The following ZNF577 variants were observed in gnomAD, a reference collection of about 807,000 sequenced individuals.
ZNF577 encodes the protein zinc finger protein 577.
ZNF577 carries 14 observed loss-of-function variants against 13.9 expected under a neutral mutation model. The observed-to-expected ratio is 1.00, with a 90% CI of 0.66 to 1.57. The LOEUF (loss-of-function observed/expected upper bound fraction) is 1.57, where lower values mean the gene tolerates loss of function less well. ZNF577 is among the 40% of genes most tolerant of loss of function. ZNF577 has a pLI of 0.00. For missense variants in ZNF577, 555 were observed against 579.2 expected (o/e 0.96, Z 0.43); for synonymous variants, 203 against 202.9 (o/e 1.00, Z 0.00).
chr19:51,813,659 T>A (rs1266445622), intron 9 of ZNF577, among the ~76,000 whole-genome samples: 2 of 152,036 alleles, frequency 1.3e-5, no homozygotes, highest in African/African-American at 4.8e-5. Context: ...GCCTCCCGAA[T>A]ATCTGGGACT....
At chr19:51,816,978 T>C (rs1444572194) in intron 9 of ZNF577, among the ~76,000 whole-genome samples, 1 of 152,218 alleles carries the variant, frequency 6.6e-6, no homozygotes, top group Non-Finnish European at 1.5e-5. Flanking sequence ...TAATTTTTTG[T>C]TTCATTTCCC....
downstream of ZNF577, among the ~76,000 whole-genome samples, chr19:51,863,951 G>A (rs550095385): frequency 3.3e-4 from 51 of 152,270 alleles, 1 homozygote; most frequent in Middle Eastern, 3.4e-3. Context: ...CGTTTAGGCC[G>A]AAATCAGGGA....
intron 10 of ZNF577, among the ~76,000 whole-genome samples, chr19:51,808,245 T>C (rs964450555): frequency 6.6e-6 from 1 of 152,256 alleles, no homozygotes; most frequent in African/African-American, 2.4e-5. Flanking sequence ...CTGAAAATCA[T>C]TTAAAGTCTA....
chr19:51,853,809 T>C (rs568572195), intron 5 of ZNF577, among the ~76,000 whole-genome samples: 11 of 152,328 alleles, frequency 7.2e-5, no homozygotes, highest in Non-Finnish European at 1.0e-4. Flanking sequence ...CCCTAAAGGA[T>C]TGACATCGTG....
At chr19:51,821,699 T>C (rs1240611431) in intron 9 of ZNF577, among the ~76,000 whole-genome samples, 1 of 151,992 alleles carries the variant, frequency 6.6e-6, no homozygotes, top group African/African-American at 2.4e-5. Flanking sequence ...ATTTTAGAGT[T>C]GCAACGGTAG....
exon 10 of ZNF577, chr19:51,811,589 T>C (rs2084096822): frequency 6.6e-6 from 1 of 152,226 alleles, no homozygotes; most frequent in African/African-American, 2.4e-5. Context: ...GTTCAGACTG[T>C]CGCCTGTTTG....
intron 8 of ZNF577, among the ~76,000 whole-genome samples, chr19:51,841,194 T>C (rs1008932421): frequency 2.6e-5 from 4 of 152,222 alleles, no homozygotes; most frequent in Non-Finnish European, 5.9e-5. Context: ...CGCCTCATCC[T>C]GGGAACATGT....
intron 5 of ZNF577, among the ~76,000 whole-genome samples, chr19:51,876,818 C>T (rs1348385226): frequency 6.6e-6 from 1 of 151,660 alleles, no homozygotes; most frequent in African/African-American, 2.4e-5. Flanking sequence ...ATCCCAGCTA[C>T]TCGGGAGGCT....
Position 51,823,120 on chromosome 19 carries a change from C to T in ZNF577, c.*600-11446G>A, listed in dbSNP as rs1275118875. Among the ~76,000 whole-genome samples the T allele has an allele frequency of 2.6e-5, 4 of 152,272 alleles. No homozygotes were observed. The East Asian group carries it at 7.7e-4, about 29-fold the overall frequency. ...TCAAGTGATCCACTCTCCTCAACCT[C>T]CTAAAGTGCTGGGGTTACAGGCATG... On this transcript the variant is annotated intron_variant and NMD_transcript_variant, in intron 9 of 10. Coordinates refer to the ZNF577 transcript ENST00000638827.
chr19:51,857,426 G>GAAAGAAAGAGAA (rs1555745840), intron 5 of ZNF577, among the ~76,000 whole-genome samples: 1 of 96,776 alleles, frequency 1.0e-5, no homozygotes, highest in African/African-American at 4.9e-5. Flanking sequence ...AAGAAAGAAA[G>GAAAGAAAGAGAA]AAAAGAAAAA....
rs7256253 is a variant in ZNF577 at position 51,871,089 on chromosome 19, G to A, written c.*1443C>T. Among the ~76,000 whole-genome samples, 27,435 of 152,008 alleles carry A rather than the reference G, an allele frequency of 0.18. 3,023 individuals are homozygous for A. Among genetic ancestry groups the A allele is most frequent in the South Asian group, 0.33 (1,612 of 4,812 alleles). On this transcript the variant is annotated 3_prime_UTR_variant, in exon 6 of 6. Transcript: ENST00000638348. ...GTCATATGCATTCCGTACTCATAAT[G>A]AAGTATGTTAGTTTCTTTTCCCCCC...
chr19:51,866,100 C>G (rs1413402369), downstream of ZNF577, among the ~76,000 whole-genome samples: 1 of 149,520 alleles, frequency 6.7e-6, no homozygotes, highest in East Asian at 2.0e-4. Context: ...GGCGACAGAG[C>G]AAGACTCCAT....
chr19:51,831,367 T>C (rs1172840780), intron 9 of ZNF577, among the ~76,000 whole-genome samples: 2 of 152,168 alleles, frequency 1.3e-5, no homozygotes, highest in African/African-American at 4.8e-5. Flanking sequence ...TCCACCTGCC[T>C]TGGCCTCCCA....
intron 5 of ZNF577, among the ~76,000 whole-genome samples, chr19:51,847,341 C>T (rs2084358044): frequency 6.6e-6 from 1 of 152,172 alleles, no homozygotes; most frequent in Admixed American, 6.5e-5. Context: ...TCCAGCCCCA[C>T]CAGCCTCTCC....
At chr19:51,850,931 A>G (rs1183635001) in intron 5 of ZNF577, among the ~76,000 whole-genome samples, 4 of 152,248 alleles carry the variant, frequency 2.6e-5, no homozygotes, top group Non-Finnish European at 5.9e-5. Context: ...AACATTGTGT[A>G]TAGTACGGTG....
chr19:51,841,285 C>T (rs182401566), intron 8 of ZNF577, among the ~76,000 whole-genome samples: 4 of 152,286 alleles, frequency 2.6e-5, no homozygotes, highest in African/African-American at 9.6e-5. Flanking sequence ...TGTTTCCTCA[C>T]TTCTGCAGGT....
At chr19:51,822,648 C>T (rs79100666) in intron 9 of ZNF577, among the ~76,000 whole-genome samples, 4,329 of 152,256 alleles carry the variant, frequency 0.028, 163 homozygotes, top group African/African-American at 0.087. Context: ...CAAACTACAA[C>T]CCATATGTAG....
At chr19:51,855,834 T>C (rs1442920944) in intron 5 of ZNF577, 2 of 152,162 alleles carry the variant, frequency 1.3e-5, no homozygotes, top group African/African-American at 2.4e-5. Context: ...ATAATGACAT[T>C]GCTCTGAGGA....
chr19:51,853,560 G>A (rs1470634994), intron 5 of ZNF577, among the ~76,000 whole-genome samples: 2 of 152,160 alleles, frequency 1.3e-5, no homozygotes, highest in African/African-American at 2.4e-5. Context: ...CCAATCTAGA[G>A]GATAACGGCT....
Sources: allele counts gnomAD v4.1 joint callset (sites outside exome capture counted in the v4.1 genomes callset), GRCh38; gene constraint gnomAD v4.1.1; transcripts MANE v1.5; gene names NCBI Gene and HGNC (gene_info 2026-07-23, HGNC 2026-07-21).